Variants in SIK3 observed in about 807,000 individuals in gnomAD.
SIK3 encodes the protein SIK family kinase 3.
In SIK3, 28 loss-of-function variants were observed where a neutral mutation model predicts 144.2. The observed-to-expected ratio is 0.19, with a 90% CI of 0.14 to 0.27. SIK3 has a LOEUF of 0.27. SIK3 is among the 10% of genes least tolerant of loss of function. The pLI is 1.00. For missense variants in SIK3, 1,319 were observed against 1,776.0 expected (o/e 0.74, Z 4.62); for synonymous variants, 686 against 676.3 (o/e 1.01, Z -0.22).
intron 1 of SIK3, among the ~76,000 whole-genome samples, chr11:117,004,664 A>G (rs1017124303): frequency 6.6e-6 from 1 of 152,220 alleles, no homozygotes; most frequent in Non-Finnish European, 1.5e-5. Flanking sequence ...GACCTGACTC[A>G]TTACTTTCCT....
chr11:116,875,344 A>T (rs773924909), intron 10 of SIK3, 30 bp downstream of exon 10: 1 of 1,613,782 alleles, frequency 6.2e-7, no homozygotes, highest in South Asian at 1.1e-5. Flanking sequence ...AAGTGGTTTC[A>T]GCTGACAGCT....
chr11:117,025,386 T>C (rs1193969458), intron 1 of SIK3, among the ~76,000 whole-genome samples: 1 of 152,238 alleles, frequency 6.6e-6, no homozygotes, highest in African/African-American at 2.4e-5. Flanking sequence ...AGCAAATCTC[T>C]TAAAGTCTTT....
chr11:116,926,892 G>A (rs1272371459), intron 4 of SIK3, among the ~76,000 whole-genome samples: 2 of 151,864 alleles, frequency 1.3e-5, no homozygotes, highest in African/African-American at 2.4e-5. Flanking sequence ...GTGGTGATGC[G>A]CACCTGTAAT....
chr11:117,002,819 G>A (rs575742909), intron 1 of SIK3, among the ~76,000 whole-genome samples: 241 of 152,314 alleles, frequency 1.6e-3, no homozygotes, highest in African/African-American at 4.8e-3. Context: ...GCAAGTATCT[G>A]AATTAATAAG....
At chr11:117,056,189 T>A (rs916821099) in intron 1 of SIK3, among the ~76,000 whole-genome samples, 1 of 152,106 alleles carries the variant, frequency 6.6e-6, no homozygotes, top group Non-Finnish European at 1.5e-5. Context: ...GGAATACTAT[T>A]TAGCCATAAA....
chr11:116,849,008 T>C lies in SIK3; in HGVS notation c.3819+112A>G. 1 of 1,229,912 alleles carries C rather than the reference T, an allele frequency of 8.1e-7. No homozygotes were observed. The highest frequency in any genetic ancestry group is 1.1e-6 in the Non-Finnish European group (1 of 910,266). 76.2% of individuals were successfully genotyped at this position (1,229,912 alleles called of 1,614,324 possible). On this transcript the variant is annotated intron_variant, in intron 22 of 24. Transcript: ENST00000445177. This position sits in a 1 kb window ranked among gnomAD's most constrained non-coding sequence, Gnocchi z 4.2. Reference sequence around the variant, plus strand: ...TGCTCCCCACCGTTTCCAGAAAGGCTGAATGCTGACTGAGGAGAGCGGCCA... The same window carrying C: ...TGCTCCCCACCGTTTCCAGAAAGGCCGAATGCTGACTGAGGAGAGCGGCCA...
intron 6 of SIK3, among the ~76,000 whole-genome samples, chr11:116,879,775 T>C (rs1487245607): frequency 1.3e-5 from 2 of 152,242 alleles, no homozygotes; most frequent in Non-Finnish European, 2.9e-5. Context: ...GACTTCTACA[T>C]TCCTATAGAA....
chr11:116,985,305 T>A (rs1950290528), intron 1 of SIK3, among the ~76,000 whole-genome samples: 1 of 152,208 alleles, frequency 6.6e-6, no homozygotes, highest in South Asian at 2.1e-4. Context: ...TTCTCTATGA[T>A]GCTGGCTGTG....
intron 1 of SIK3, among the ~76,000 whole-genome samples, chr11:116,993,324 T>A (rs1243332833): frequency 6.6e-6 from 1 of 152,260 alleles, no homozygotes; most frequent in Non-Finnish European, 1.5e-5. Flanking sequence ...ATTTTCAGAC[T>A]GTTTTTTCCT....
At chr11:116,892,506 A>T (rs188075900) in intron 6 of SIK3, among the ~76,000 whole-genome samples, 1 of 152,366 alleles carries the variant, frequency 6.6e-6, no homozygotes, top group Non-Finnish European at 1.5e-5. Context: ...AAAAATTAAA[A>T]CAACAATGAA....
At chr11:116,905,927 T>C (rs1256750898) in intron 4 of SIK3, among the ~76,000 whole-genome samples, 1 of 152,262 alleles carries the variant, frequency 6.6e-6, no homozygotes, top group African/African-American at 2.4e-5. Flanking sequence ...ATCTTGATGA[T>C]GTCCTTTGAT....
intron 4 of SIK3, among the ~76,000 whole-genome samples, chr11:116,917,339 T>C (rs555354660): frequency 3.3e-5 from 5 of 152,300 alleles, no homozygotes; most frequent in East Asian, 1.9e-4. Context: ...ATAGTTTCTA[T>C]AGCCACTAAT....
chr11:116,873,788 AAAT>A, intron 12 of SIK3, 112 bp downstream of exon 12: 1 of 1,478,716 alleles, frequency 6.8e-7, no homozygotes, highest in Non-Finnish European at 9.1e-7. Flanking sequence ...TTTGCAAGAT[AAAT>A]CATCTTTCTC....
At chr11:117,061,960 T>C (rs908516653) in intron 1 of SIK3, among the ~76,000 whole-genome samples, 1 of 151,842 alleles carries the variant, frequency 6.6e-6, no homozygotes, top group Non-Finnish European at 1.5e-5. Context: ...TGTATGTTAA[T>C]ATGACCGTTT....
At chr11:117,070,194 C>T (rs924134690) in intron 1 of SIK3, among the ~76,000 whole-genome samples, 7 of 152,150 alleles carry the variant, frequency 4.6e-5, no homozygotes, top group African/African-American at 1.7e-4. Context: ...AATATAAATG[C>T]AAATAGTGAA....
At chr11:117,095,065 G>GT (rs1285279007) in intron 1 of SIK3, among the ~76,000 whole-genome samples, 2 of 151,998 alleles carry the variant, frequency 1.3e-5, no homozygotes, top group African/African-American at 4.8e-5. Flanking sequence ...ACTCTAGACG[G>GT]TTTGAGAGTT....
At chr11:116,899,831 C>T (rs924448185) in intron 4 of SIK3, among the ~76,000 whole-genome samples, 1 of 152,176 alleles carries the variant, frequency 6.6e-6, no homozygotes, top group South Asian at 2.1e-4. Context: ...TCCCTGAAAT[C>T]ACAGCATCTG....
At chr11:116,957,990 A>C (rs1459425661) in intron 1 of SIK3, among the ~76,000 whole-genome samples, 1 of 152,182 alleles carries the variant, frequency 6.6e-6, no homozygotes, top group Non-Finnish European at 1.5e-5. Flanking sequence ...AAAATTTACT[A>C]AATCTAAACT....
intron 6 of SIK3, among the ~76,000 whole-genome samples, chr11:116,891,815 TG>T (rs1945132280): frequency 1.3e-5 from 2 of 151,752 alleles, no homozygotes; most frequent in Non-Finnish European, 2.9e-5. Flanking sequence ...TCCATATAAT[TG>T]GCTATTGTTT....
Sources: gnomAD v4.1 joint callset for allele counts (sites outside exome capture counted in the v4.1 genomes callset) on GRCh38, gnomAD v4.1.1 for gene constraint, Gnocchi (gnomAD v3.1) non-coding constraint, MANE v1.5 for transcripts, NCBI Gene and HGNC (gene_info 2026-07-23, HGNC 2026-07-21) for gene names.